The following MACROD2 variants were observed in gnomAD, a reference collection of about 807,000 sequenced individuals.
MACROD2 encodes ADP-ribose glycohydrolase MACROD2.
A neutral mutation model predicts 70.4 loss-of-function variants in MACROD2; 36 were observed. That is an observed-to-expected ratio of 0.51 (90% CI 0.39 to 0.68). The LOEUF (loss-of-function observed/expected upper bound fraction) is 0.68. Among genes scored for constraint, MACROD2 ranks in the 30% least tolerant of loss-of-function variants. The pLI is 0.00. For synonymous variants in MACROD2, 172 were observed against 178.8 expected, an observed-to-expected ratio of 0.96 and a Z score of 0.30; for missense variants, 496 against 538.4, an observed-to-expected ratio of 0.92 and a Z score of 0.78.
chr20:14,175,738 T>G (rs1221842344), intron 3 of MACROD2, among the ~76,000 whole-genome samples: 1 of 152,202 alleles, frequency 6.6e-6, no homozygotes, highest in Non-Finnish European at 1.5e-5. Context: ...TAATATCTGC[T>G]GGGAAACCGA....
chr20:14,454,128 A>G (rs1054221457), intron 3 of MACROD2, among the ~76,000 whole-genome samples: 1 of 152,028 alleles, frequency 6.6e-6, no homozygotes, highest in African/African-American at 2.4e-5. Context: ...TGGACAAGAA[A>G]TGCCATCTTC....
chr20:15,060,914 C>T (rs999330428), intron 5 of MACROD2, among the ~76,000 whole-genome samples: 4 of 152,090 alleles, frequency 2.6e-5, no homozygotes, highest in Admixed American at 2.0e-4. Context: ...ACAATGAAGC[C>T]GGCTCAGGAA....
intron 5 of MACROD2, among the ~76,000 whole-genome samples, chr20:15,228,786 C>A (rs149399783): frequency 6.6e-6 from 1 of 151,948 alleles, no homozygotes; most frequent in African/African-American, 2.4e-5. Flanking sequence ...CTGCACCTGG[C>A]GAGATTTTTC....
At chr20:14,993,426 T>C (rs1255479867) in intron 5 of MACROD2, among the ~76,000 whole-genome samples, 1 of 152,094 alleles carries the variant, frequency 6.6e-6, no homozygotes, top group Non-Finnish European at 1.5e-5. Flanking sequence ...AGAATATACA[T>C]TCTCTGTGTA....
intron 15 of MACROD2, among the ~76,000 whole-genome samples, chr20:16,039,238 C>T (rs1236655500): frequency 6.6e-6 from 1 of 151,970 alleles, no homozygotes; most frequent in Non-Finnish European, 1.5e-5. Context: ...TAGTCTGAAT[C>T]ATTACAGTCC....
intron 3 of MACROD2, among the ~76,000 whole-genome samples, chr20:14,231,473 C>T (rs2081812001): frequency 6.6e-6 from 1 of 152,152 alleles, no homozygotes; most frequent in East Asian, 1.9e-4. Context: ...ATGAACTCAT[C>T]CTTTTTTATG....
intron 5 of MACROD2, among the ~76,000 whole-genome samples, chr20:14,985,727 T>G (rs114439164): frequency 6.6e-6 from 1 of 151,424 alleles, no homozygotes; most frequent in African/African-American, 2.4e-5. Context: ...AGTTTAGTTC[T>G]TTCTTAGCTA....
intron 7 of MACROD2, among the ~76,000 whole-genome samples, chr20:15,483,401 C>G (rs2047124402): frequency 6.6e-6 from 1 of 152,112 alleles, no homozygotes; most frequent in Admixed American, 6.6e-5. Flanking sequence ...GTATTGTTTT[C>G]CATTGATCTA....
At chr20:15,091,054 G>C (rs767799269) in intron 5 of MACROD2, among the ~76,000 whole-genome samples, 75 of 151,948 alleles carry the variant, frequency 4.9e-4, no homozygotes, top group Non-Finnish European at 9.9e-4. Flanking sequence ...CTTCAACCAA[G>C]GATGAGGTGT....
At chr20:15,372,565 C>T (rs576436805) in intron 6 of MACROD2, among the ~76,000 whole-genome samples, 1 of 152,082 alleles carries the variant, frequency 6.6e-6, no homozygotes, top group Admixed American at 6.5e-5. Context: ...ACATCTTTTT[C>T]TAGATGCCAT....
At chr20:14,558,071 T>G (rs1979165697) in intron 4 of MACROD2, among the ~76,000 whole-genome samples, 1 of 151,764 alleles carries the variant, frequency 6.6e-6, no homozygotes. Context: ...ACAAATGAAC[T>G]TTGGAAAACT....
chr20:16,040,515 G>C (rs1331010906), intron 15 of MACROD2, among the ~76,000 whole-genome samples: 1 of 151,956 alleles, frequency 6.6e-6, no homozygotes, highest in African/African-American at 2.4e-5. Flanking sequence ...TAAGAAGCAA[G>C]AAATGATTGT....
At chr20:14,875,814 T>G (rs2122444698) in intron 5 of MACROD2, among the ~76,000 whole-genome samples, 1 of 152,252 alleles carries the variant, frequency 6.6e-6, no homozygotes, top group Admixed American at 6.5e-5. Context: ...AAGGATATAA[T>G]TTTATTCTTT....
At chr20:14,316,029 T>C (rs1211776659) in intron 3 of MACROD2, among the ~76,000 whole-genome samples, 3 of 152,236 alleles carry the variant, frequency 2.0e-5, no homozygotes, top group Admixed American at 2.0e-4. Context: ...CAGTATTCTC[T>C]TGAGTTGTAT....
chr20:15,982,435 C>T (rs545219968), intron 13 of MACROD2, among the ~76,000 whole-genome samples: 1 of 152,260 alleles, frequency 6.6e-6, no homozygotes, highest in East Asian at 1.9e-4. Flanking sequence ...ATGAGTCCTG[C>T]AATGAGTTTC....
intron 3 of MACROD2, among the ~76,000 whole-genome samples, chr20:14,268,883 T>C (rs1353871913): frequency 6.6e-6 from 1 of 152,158 alleles, no homozygotes; most frequent in Non-Finnish European, 1.5e-5. Context: ...AAGCTATCAG[T>C]TCCCATAGCA....
chr20:14,748,752 T>C (rs986701215), intron 5 of MACROD2, among the ~76,000 whole-genome samples: 15 of 152,076 alleles, frequency 9.9e-5, no homozygotes, highest in Admixed American at 8.5e-4. Context: ...GCTTTAGAAA[T>C]TCTAAAGTGG....
chr20:14,257,303 A>G (rs1022754470), intron 3 of MACROD2, among the ~76,000 whole-genome samples: 1 of 152,074 alleles, frequency 6.6e-6, no homozygotes. Flanking sequence ...CTTCCTGAGG[A>G]AAAAACCATT....
chr20:14,787,275 G>T (rs2072386368), intron 5 of MACROD2, among the ~76,000 whole-genome samples: 1 of 151,724 alleles, frequency 6.6e-6, no homozygotes, highest in African/African-American at 2.4e-5. Context: ...TTTTTGAAAG[G>T]CTTTGTCATT....
Sources: allele counts gnomAD v4.1 joint callset (sites outside exome capture counted in the v4.1 genomes callset), GRCh38; gene constraint gnomAD v4.1.1; transcripts MANE v1.5; gene names NCBI Gene and HGNC (gene_info 2026-07-23, HGNC 2026-07-21).